The following MAP7 variants were observed in gnomAD, a reference collection of about 807,000 sequenced individuals.
The protein encoded by MAP7 is ensconsin.
MAP7 carries 52 observed loss-of-function variants against 94.8 expected under a neutral mutation model. The observed-to-expected ratio is 0.55, with a 90% CI of 0.44 to 0.69. MAP7 has a LOEUF of 0.69. Ranked by LOEUF, MAP7 falls within the 30% of genes least tolerant of loss-of-function variation. The pLI is 0.00. For synonymous variants in MAP7, 350 were observed against 357.0 expected (o/e 0.98, Z 0.22); for missense variants, 940 against 964.6 (o/e 0.97, Z 0.34).
intron 1 of MAP7, among the ~76,000 whole-genome samples, chr6:136,488,258 T>C (rs1815395398): frequency 6.6e-6 from 1 of 152,112 alleles, no homozygotes; most frequent in Admixed American, 6.5e-5. Flanking sequence ...TTCACAAAGC[T>C]TTTTTTGGGT....
chr6:136,473,583 C>A (rs1809808658), intron 1 of MAP7, among the ~76,000 whole-genome samples: 1 of 152,132 alleles, frequency 6.6e-6, no homozygotes, highest in Non-Finnish European at 1.5e-5. Context: ...TTATTAATGG[C>A]TGTATAATAT....
chr6:136,441,510 G>T (rs991951943), intron 1 of MAP7, among the ~76,000 whole-genome samples: 3 of 152,038 alleles, frequency 2.0e-5, no homozygotes, highest in African/African-American at 7.2e-5. Context: ...TGTTCATTTT[G>T]CCATTAAATT....
intron 7 of MAP7, among the ~76,000 whole-genome samples, chr6:136,373,611 G>A (rs1056936403): frequency 6.6e-6 from 1 of 152,154 alleles, no homozygotes; most frequent in African/African-American, 2.4e-5. Context: ...CAGGTTCTAA[G>A]GTCCATTTTC....
intron 1 of MAP7, among the ~76,000 whole-genome samples, chr6:136,458,829 C>A (rs1804221800): frequency 6.6e-6 from 1 of 152,056 alleles, no homozygotes; most frequent in Admixed American, 6.6e-5. Flanking sequence ...GGAGAAGGTT[C>A]ATGACAGTGG....
intron 1 of MAP7, chr6:136,526,171 C>G: frequency 7.8e-7 from 1 of 1,280,956 alleles, no homozygotes. Context: ...TTCCCCTCAC[C>G]TAGCAGCAGC....
At position 136,389,444 on chromosome 6, in the gene MAP7, C is replaced by T. The variant is rs144407106; in HGVS notation, c.318G>A (p.Arg106=). The T allele has an allele frequency of 6.8e-3, 10,937 of 1,606,354 alleles. 44 individuals carry two copies. Among genetic ancestry groups the T allele is most frequent in the Non-Finnish European group, 7.4e-3 (8,709 of 1,177,266 alleles). Residue 106 remains arginine (R), a synonymous_variant, in exon 4 of 18, where the codon CGG becomes CGA. Coordinates refer to ENST00000354570, the MANE Select transcript of MAP7 (RefSeq NM_003980.6). ...RQHYEKHLEE[R]KKRLEEQRQK... ...GCCTCTGCTCCTCCAACCTCTTCTT[C>T]CGCTCTTCCAGGTGCTTCTCGTAGT...
chr6:136,414,808 A>ATTTTT (rs550449278), intron 2 of MAP7, among the ~76,000 whole-genome samples: 1 of 123,304 alleles, frequency 8.1e-6, no homozygotes, highest in African/African-American at 3.1e-5. Flanking sequence ...CAATCAGCTA[A>ATTTTT]TTTTTTTTTT....
rs375395484 is a variant in MAP7, at chr6:136,389,464, C to T, written c.298G>A (p.Glu100Lys). Residue 100 changes from glutamate to lysine, a missense_variant, in exon 4 of 18, where the codon GAG becomes AAG. By Grantham distance (56) the Glu-to-Lys change is moderately conservative. Coordinates refer to ENST00000354570, the MANE Select transcript of MAP7 (RefSeq NM_003980.6). ...TTCTTCCGCTCTTCCAGGTGCTTCT[C>T]GTAGTGCTGCCTGGCTCGCTCTTCT... ...EREERARQHY[E>K]KHLEERKKRL... is the part of the protein sequence containing the mutation. The T allele has an allele frequency of 6.9e-5, 111 of 1,610,688 alleles. No individual in the cohort carries two copies. Among genetic ancestry groups the T allele is most frequent in the African/African-American group, 9.4e-5 (7 of 74,430 alleles).
chr6:136,416,086 T>C (rs1033550716), intron 2 of MAP7, among the ~76,000 whole-genome samples: 2 of 152,228 alleles, frequency 1.3e-5, no homozygotes, highest in African/African-American at 4.8e-5. Context: ...TGGCTGTGCA[T>C]GGGGCTGGGG....
rs529094735 is a variant in MAP7, at chr6:136,461,759, T to G, written c.68-39960A>C. ...GAAGAAAACTATGGATCAACACATATAACTGGAAATATAGTGGAATTTACT... is the reference window on the plus strand; with the variant it reads ...GAAGAAAACTATGGATCAACACATAGAACTGGAAATATAGTGGAATTTACT... On this transcript the variant is annotated intron_variant, in intron 1 of 17. Coordinates refer to ENST00000354570, the MANE Select transcript of MAP7 (RefSeq NM_003980.6). Among the ~76,000 whole-genome samples the G allele has an allele frequency of 1.0e-3, 155 of 152,282 alleles. 2 individuals are homozygous for G. In the South Asian group the frequency reaches 0.011, roughly 11 times the overall value.
chr6:136,384,538 G>C (rs1242956867), intron 5 of MAP7, among the ~76,000 whole-genome samples: 1 of 151,224 alleles, frequency 6.6e-6, no homozygotes, highest in Non-Finnish European at 1.5e-5. Context: ...CTGTTGGCCA[G>C]GCTGGCATGA....
At chr6:136,546,293 G>A (rs1047124358) in intron 1 of MAP7, among the ~76,000 whole-genome samples, 4 of 151,216 alleles carry the variant, frequency 2.6e-5, no homozygotes, top group East Asian at 1.9e-4. Flanking sequence ...GATTACAGGC[G>A]TGAGCTACTG....
intron 1 of MAP7, chr6:136,545,323 A>G (rs1829646659): frequency 6.6e-6 from 1 of 152,170 alleles, no homozygotes; most frequent in African/African-American, 2.4e-5. Context: ...TAAAAGAAAA[A>G]AAAAAAAAAA....
intron 1 of MAP7, among the ~76,000 whole-genome samples, chr6:136,521,930 T>C (rs1476185419): frequency 6.6e-6 from 1 of 152,178 alleles, no homozygotes; most frequent in Non-Finnish European, 1.5e-5. Flanking sequence ...ACTCTTGCAT[T>C]ATTTGTACAC....
intron 3 of MAP7, among the ~76,000 whole-genome samples, chr6:136,405,710 AGGACACCGGTTG>A (rs968437900): frequency 3.0e-4 from 46 of 152,346 alleles, no homozygotes; most frequent in African/African-American, 1.1e-3. Context: ...GGAGGAAATG[AGGACACCGGTTG>A]GGAGCCTATT....
In MAP7 at chr6:136,362,548, T is replaced by G. The variant is rs775741586; in HGVS notation, c.1428A>C (p.Pro476=). The G allele has an allele frequency of 8.7e-6, 14 of 1,614,142 alleles. No individual in the cohort carries two copies. The South Asian group carries it at 1.5e-4, about 18-fold the overall frequency. ...CAGCTAGAAGCCTTGTGGCCTCCTC[T>G]GGGTCGGTGGTGCCTGCAGAAGTCT... The part of the protein sequence containing the change: ...SVKTSAGTTD[P]EEATRLLAEK... The change falls in exon 11 of 18, where the codon CCA becomes CCC. Residue 476 remains proline, a synonymous_variant. Transcript: ENST00000354570.
intron 1 of MAP7, among the ~76,000 whole-genome samples, chr6:136,456,716 G>A: frequency 6.8e-6 from 1 of 147,252 alleles, no homozygotes; most frequent in East Asian, 2.0e-4. Flanking sequence ...AAGAAGAGGA[G>A]AAGAAAGAAG....
intron 1 of MAP7, among the ~76,000 whole-genome samples, chr6:136,431,464 T>C (rs1236733462): frequency 6.6e-6 from 1 of 151,976 alleles, no homozygotes; most frequent in Non-Finnish European, 1.5e-5. Context: ...TCCATGCTGG[T>C]TACCCAATAA....
chr6:136,402,405 T>G (rs1784341408), intron 3 of MAP7, among the ~76,000 whole-genome samples: 1 of 152,196 alleles, frequency 6.6e-6, no homozygotes, highest in Non-Finnish European at 1.5e-5. Flanking sequence ...AACTTGTCAT[T>G]AAAAGCATTC....
Sources: allele counts gnomAD v4.1 joint callset (sites outside exome capture counted in the v4.1 genomes callset), GRCh38; gene constraint gnomAD v4.1.1; transcripts MANE v1.5; gene names NCBI Gene and HGNC (gene_info 2026-07-23, HGNC 2026-07-21).